The following MAGI2 variants were observed in gnomAD, a reference collection of about 807,000 sequenced individuals.
MAGI2 encodes the protein membrane associated guanylate kinase, WW and PDZ domain containing 2, also known as membrane-associated guanylate kinase, WW and PDZ domain-containing protein 2.
Under a neutral mutation model 133.3 loss-of-function variants are expected in MAGI2, and 35 were observed. The ratio of observed to expected loss-of-function variants is 0.26; its 90% CI spans 0.20 to 0.35. The LOEUF is 0.35. Among genes scored for constraint, MAGI2 ranks in the 10% least tolerant of loss-of-function variants. The pLI, the probability that MAGI2 is intolerant of heterozygous loss-of-function variation, is 1.00. For missense variants in MAGI2, 1,636 were observed against 1,863.4 expected (o/e 0.88, Z 2.25); for synonymous variants, 729 against 710.6 (o/e 1.03, Z -0.41).
At chr7:79,260,394 A>G (rs1385899618) in intron 1 of MAGI2, among the ~76,000 whole-genome samples, 1 of 151,304 alleles carries the variant, frequency 6.6e-6, no homozygotes, top group Non-Finnish European at 1.5e-5. Context: ...ATACATACAT[A>G]CATACATACA....
At chr7:79,241,134 C>A (rs192235776) in intron 1 of MAGI2, among the ~76,000 whole-genome samples, 40 of 152,154 alleles carry the variant, frequency 2.6e-4, no homozygotes, top group African/African-American at 8.4e-4. Context: ...CTCTCTCTAC[C>A]ATCCCAAATT....
chr7:78,529,608 CACAT>C (rs1797264165), intron 3 of MAGI2, among the ~76,000 whole-genome samples: 1 of 148,480 alleles, frequency 6.7e-6, no homozygotes, highest in African/African-American at 2.5e-5. Context: ...AGATATGAGC[CACAT>C]ATATGGAATT....
intron 1 of MAGI2, among the ~76,000 whole-genome samples, chr7:79,310,130 C>T (rs921992275): frequency 9.1e-6 from 1 of 110,290 alleles, no homozygotes; most frequent in Non-Finnish European, 1.7e-5. Flanking sequence ...TGCTACTGCA[C>T]TCAAGCCTGG....
chr7:78,618,117 G>T (rs1303584773), intron 3 of MAGI2: 7 of 152,026 alleles, frequency 4.6e-5, no homozygotes, highest in African/African-American at 1.7e-4. Context: ...GCACCATTGA[G>T]AAAGACTAGG....
intron 1 of MAGI2, among the ~76,000 whole-genome samples, chr7:79,315,164 C>T (rs1403979329): frequency 9.2e-5 from 13 of 140,726 alleles, no homozygotes; most frequent in East Asian, 2.1e-4. Flanking sequence ...AGATTTAACT[C>T]TTTTTTTTTT....
chr7:79,169,704 G>A (rs1825326234), intron 1 of MAGI2, among the ~76,000 whole-genome samples: 2 of 151,958 alleles, frequency 1.3e-5, no homozygotes, highest in Non-Finnish European at 2.9e-5. Flanking sequence ...GTTTATCAAA[G>A]AATCATATAG....
chr7:79,006,376 T>C (rs1296196250), intron 2 of MAGI2, among the ~76,000 whole-genome samples: 1 of 152,152 alleles, frequency 6.6e-6, no homozygotes, highest in Non-Finnish European at 1.5e-5. Context: ...AGAAAATGGA[T>C]TTTTGATATC....
intron 2 of MAGI2, among the ~76,000 whole-genome samples, chr7:78,889,640 T>C (rs925204333): frequency 2.6e-5 from 4 of 151,994 alleles, no homozygotes; most frequent in African/African-American, 9.7e-5. Context: ...GCTTCATAAG[T>C]GAAGGAGAAA....
At chr7:79,015,272 C>G (rs1365341256) in intron 1 of MAGI2, among the ~76,000 whole-genome samples, 1 of 151,912 alleles carries the variant, frequency 6.6e-6, no homozygotes, top group African/African-American at 2.4e-5. Flanking sequence ...CTGGGCAACA[C>G]AGTAAGACCC....
intron 1 of MAGI2, among the ~76,000 whole-genome samples, chr7:79,371,845 T>A (rs1277657756): frequency 1.3e-5 from 2 of 152,172 alleles, no homozygotes; most frequent in African/African-American, 2.4e-5. Context: ...TTTTAGCTCA[T>A]ATTCCCAGTG....
At chr7:79,122,860 T>G in intron 1 of MAGI2, among the ~76,000 whole-genome samples, 1 of 152,100 alleles carries the variant, frequency 6.6e-6, no homozygotes, top group South Asian at 2.1e-4. Flanking sequence ...CCCAGCTAAT[T>G]TTTGTAATTT....
chr7:78,681,352 GTCTGTTAT>G (rs1414929898), intron 2 of MAGI2, among the ~76,000 whole-genome samples: 60 of 152,104 alleles, frequency 3.9e-4, no homozygotes, highest in African/African-American at 1.3e-3. Context: ...CATATTCCTG[GTCTGTTAT>G]AAGCCATAAA....
At chr7:78,985,743 C>G (rs1345235788) in intron 2 of MAGI2, among the ~76,000 whole-genome samples, 6 of 151,994 alleles carry the variant, frequency 3.9e-5, no homozygotes, top group Non-Finnish European at 8.8e-5. Context: ...TAGAGGAGAC[C>G]TTCTATAATT....
At chr7:78,141,103 T>C (rs1244666433) in intron 16 of MAGI2, among the ~76,000 whole-genome samples, 1 of 152,028 alleles carries the variant, frequency 6.6e-6, no homozygotes, top group East Asian at 1.9e-4. Flanking sequence ...AATGGGTATA[T>C]AATCCAAGGA....
intron 9 of MAGI2, among the ~76,000 whole-genome samples, chr7:78,292,171 T>C (rs1256230879): frequency 6.6e-6 from 1 of 152,198 alleles, no homozygotes; most frequent in Non-Finnish European, 1.5e-5. Context: ...CATGATTGTA[T>C]ACTTAGAAAA....
At chr7:78,726,866 C>G (rs958888040) in intron 2 of MAGI2, among the ~76,000 whole-genome samples, 4 of 150,848 alleles carry the variant, frequency 2.7e-5, no homozygotes, top group African/African-American at 7.3e-5. Context: ...CTTTTAAAAT[C>G]TGGTTTTCAT....
intron 1 of MAGI2, among the ~76,000 whole-genome samples, chr7:79,154,043 C>T (rs992155604): frequency 6.6e-6 from 1 of 151,852 alleles, no homozygotes; most frequent in Non-Finnish European, 1.5e-5. Flanking sequence ...CTGTATATTC[C>T]TTTTTTGGAA....
intron 2 of MAGI2, among the ~76,000 whole-genome samples, chr7:78,705,179 T>G (rs1433431015): frequency 6.6e-6 from 1 of 152,074 alleles, no homozygotes; most frequent in Non-Finnish European, 1.5e-5. Flanking sequence ...TGGAGGGACC[T>G]GATGGGAGAT....
intron 3 of MAGI2, among the ~76,000 whole-genome samples, chr7:78,608,605 G>T (rs1437014034): frequency 1.3e-5 from 2 of 151,912 alleles, no homozygotes; most frequent in African/African-American, 2.4e-5. Flanking sequence ...TCATGCTGTT[G>T]TATCCTAGTA....
Sources: gnomAD v4.1 joint callset for allele counts (sites outside exome capture counted in the v4.1 genomes callset) on GRCh38, gnomAD v4.1.1 for gene constraint, MANE v1.5 for transcripts, NCBI Gene and HGNC (gene_info 2026-07-23, HGNC 2026-07-21) for gene names.